CAMKMT: variants seen among roughly 807,000 people sequenced by gnomAD.
CAMKMT encodes calmodulin-lysine N-methyltransferase.
Under a neutral mutation model 48.0 loss-of-function variants are expected in CAMKMT, and 53 were observed. That is an observed-to-expected ratio of 1.10 (90% CI 0.89 to 1.39). CAMKMT has a LOEUF of 1.39. CAMKMT is among the 40% of genes most tolerant of loss of function. The probability of loss-of-function intolerance (pLI) is 0.00; values close to 1 mark genes in which losing one functional copy is unlikely to be tolerated. For synonymous variants in CAMKMT, 165 were observed against 152.3 expected (o/e 1.08, Z -0.61); for missense variants, 428 against 402.7 (o/e 1.06, Z -0.54).
At chr2:44,665,133 C>T (rs1000033758) in intron 3 of CAMKMT, among the ~76,000 whole-genome samples, 6 of 152,076 alleles carry the variant, frequency 3.9e-5, no homozygotes, top group African/African-American at 1.2e-4. Flanking sequence ...TGCAGTGGTG[C>T]GATCTCGGCT....
intron 3 of CAMKMT, among the ~76,000 whole-genome samples, chr2:44,584,498 G>A (rs747518467): frequency 6.6e-6 from 1 of 152,176 alleles, no homozygotes; most frequent in Non-Finnish European, 1.5e-5. Flanking sequence ...AATATAAAAT[G>A]CTTCCTAAGT....
chr2:44,650,090 T>C (rs1558770492), intron 3 of CAMKMT, among the ~76,000 whole-genome samples: 1 of 152,204 alleles, frequency 6.6e-6, no homozygotes, highest in Non-Finnish European at 1.5e-5. Flanking sequence ...TACCACACAC[T>C]AAGTTACCTA....
chr2:44,735,357 G>T (rs1679300642), intron 7 of CAMKMT, among the ~76,000 whole-genome samples: 1 of 152,176 alleles, frequency 6.6e-6, no homozygotes, highest in Admixed American at 6.5e-5. Flanking sequence ...TACAGTTACT[G>T]ATGGGGTTAG....
chr2:44,741,728 T>A (rs986601939), intron 7 of CAMKMT, among the ~76,000 whole-genome samples: 1 of 152,170 alleles, frequency 6.6e-6, no homozygotes, highest in Non-Finnish European at 1.5e-5. Context: ...TTTCAATTTA[T>A]TTTAGAGTCA....
chr2:44,545,745 G>A (rs1667361125), intron 3 of CAMKMT, among the ~76,000 whole-genome samples: 1 of 149,706 alleles, frequency 6.7e-6, no homozygotes, highest in South Asian at 2.1e-4. Flanking sequence ...GGATTATGAA[G>A]GCACAGTTTT....
At chr2:44,608,119 C>G (rs1040380831) in intron 3 of CAMKMT, among the ~76,000 whole-genome samples, 2 of 138,594 alleles carry the variant, frequency 1.4e-5, no homozygotes, top group African/African-American at 5.5e-5. Context: ...GTCGCCCAGG[C>G]TGGAGTGCAG....
chr2:44,503,019 T>C (rs558526906), intron 3 of CAMKMT, among the ~76,000 whole-genome samples: 13 of 152,192 alleles, frequency 8.5e-5, no homozygotes, highest in Non-Finnish European at 1.9e-4. Context: ...TATAGCCAAG[T>C]GCTTGCTTGG....
At chr2:44,540,690 G>A (rs940270724) in intron 3 of CAMKMT, among the ~76,000 whole-genome samples, 4 of 152,212 alleles carry the variant, frequency 2.6e-5, no homozygotes, top group Non-Finnish European at 5.9e-5. Context: ...GGGCAAGGCT[G>A]CAGTGAGCTG....
At chr2:44,763,059 G>A (rs1188100125) in intron 9 of CAMKMT, among the ~76,000 whole-genome samples, 6 of 152,096 alleles carry the variant, frequency 3.9e-5, no homozygotes. Context: ...CCCCTGTGAC[G>A]TGTTCTCTCC....
intron 3 of CAMKMT, among the ~76,000 whole-genome samples, chr2:44,656,710 C>A (rs1480153105): frequency 1.3e-5 from 2 of 151,698 alleles, no homozygotes; most frequent in Admixed American, 6.6e-5. Context: ...CCCACCCCAC[C>A]TTTTTTTTAT....
chr2:44,382,495 T>C (rs77273495), intron 2 of CAMKMT, among the ~76,000 whole-genome samples: 1 of 151,714 alleles, frequency 6.6e-6, no homozygotes, highest in African/African-American at 2.4e-5. Flanking sequence ...TTTTTTTTTT[T>C]TGAGACAGAG....
chr2:44,493,142 A>G (rs1266308863), intron 3 of CAMKMT, among the ~76,000 whole-genome samples: 15 of 151,686 alleles, frequency 9.9e-5, no homozygotes, highest in Non-Finnish European at 4.4e-5. Flanking sequence ...TGATCCACCC[A>G]CCTCAGGCTT....
At chr2:44,649,424 T>C (rs1178667952) in intron 3 of CAMKMT, among the ~76,000 whole-genome samples, 1 of 151,920 alleles carries the variant, frequency 6.6e-6, no homozygotes, top group Non-Finnish European at 1.5e-5. Context: ...GTGATCTGGA[T>C]TAAAAATAAA....
At chr2:44,735,485 C>G (rs1273835953) in intron 7 of CAMKMT, among the ~76,000 whole-genome samples, 1 of 151,960 alleles carries the variant, frequency 6.6e-6, no homozygotes, top group Non-Finnish European at 1.5e-5. Flanking sequence ...TATTTTATCT[C>G]CTTTGTTGGC....
chr2:44,478,920 C>T (rs1358062898), intron 3 of CAMKMT, among the ~76,000 whole-genome samples: 2 of 152,056 alleles, frequency 1.3e-5, no homozygotes, highest in Non-Finnish European at 2.9e-5. Flanking sequence ...AGGATGGTCT[C>T]GATCTCCTGA....
At chr2:44,583,436 T>C (rs933313937) in intron 3 of CAMKMT, among the ~76,000 whole-genome samples, 3 of 152,170 alleles carry the variant, frequency 2.0e-5, no homozygotes, top group Admixed American at 2.0e-4. Flanking sequence ...TCAGATCAAG[T>C]TTATGCTTCT....
chr2:44,656,213 G>A (rs1674370281), intron 3 of CAMKMT, among the ~76,000 whole-genome samples: 1 of 152,168 alleles, frequency 6.6e-6, no homozygotes. Context: ...GTAAGGGAAT[G>A]TTATTTATTG....
chr2:44,587,894 C>T lies in CAMKMT; in HGVS notation c.377-116389C>T, dbSNP rs900908025. ...GCCGAGATTGCAGCCTCTGCCCGGC[C>T]GCCACCCCGTCTGGGAAGTGAGGAG... On this transcript the variant is annotated intron_variant, in intron 3 of 10. Coordinates refer to ENST00000378494, the MANE Select transcript of CAMKMT (RefSeq NM_024766.5). 7.0e-4 allele frequency among the ~76,000 whole-genome samples: 81 copies of T among 116,150 alleles called. 3 individuals carry two copies. In the East Asian group the frequency reaches 0.016, roughly 23 times the overall value. 76.2% of individuals were successfully genotyped at this position (116,150 alleles called of 152,430 possible).
intron 3 of CAMKMT, among the ~76,000 whole-genome samples, chr2:44,517,639 G>C (rs954718784): frequency 2.6e-5 from 4 of 152,090 alleles, no homozygotes; most frequent in African/African-American, 9.7e-5. Flanking sequence ...AGGTGTAATA[G>C]GAACAAAGTG....
Sources: allele counts gnomAD v4.1 joint callset (sites outside exome capture counted in the v4.1 genomes callset), GRCh38; gene constraint gnomAD v4.1.1; transcripts MANE v1.5; gene names NCBI Gene and HGNC (gene_info 2026-07-23, HGNC 2026-07-21).